Variants in SDK1 observed in about 807,000 individuals in gnomAD.
SDK1 encodes the protein sidekick cell adhesion molecule 1, also known as protein sidekick-1.
SDK1 carries 157 observed loss-of-function variants against 245.5 expected under a neutral mutation model. The observed-to-expected ratio is 0.64, with a 90% CI of 0.56 to 0.73. The LOEUF (loss-of-function observed/expected upper bound fraction) is 0.73, where lower values mean the gene tolerates loss of function less well. SDK1 is among the 30% of genes least tolerant of loss of function. SDK1 has a pLI of 0.00. For synonymous variants in SDK1, 1,647 were observed against 1,278.5 expected (o/e 1.29, Z -6.15); for missense variants, 3,583 against 3,002.3 (o/e 1.19, Z -4.52).
intron 1 of SDK1, among the ~76,000 whole-genome samples, chr7:3,612,816 C>G (rs192756744): frequency 2.6e-5 from 4 of 152,154 alleles, no homozygotes; most frequent in African/African-American, 9.7e-5. Context: ...CGGCTGGACT[C>G]GCACCTGATT....
intron 4 of SDK1, among the ~76,000 whole-genome samples, chr7:3,756,202 A>G (rs551421721): frequency 1.3e-5 from 2 of 149,486 alleles, no homozygotes; most frequent in East Asian, 2.0e-4. Context: ...TTCACATGGC[A>G]TAGCACCTGT....
At chr7:4,217,581 CGCCACCCGGAGCACCAG>C (rs1784905434) in intron 38 of SDK1, among the ~76,000 whole-genome samples, 1 of 108,744 alleles carries the variant, frequency 9.2e-6, no homozygotes, top group South Asian at 3.2e-4. Context: ...CGGAGCACCA[CGCCACCCGGAGCACCAG>C]GCCACCCGGA....
chr7:4,012,192 C>A lies in SDK1; in HGVS notation c.2377C>A (p.Pro793Thr). 1 of 1,569,516 alleles carries A rather than the reference C, an allele frequency of 6.4e-7. No homozygotes were observed. Among genetic ancestry groups the A allele is most frequent in the Non-Finnish European group, 8.6e-7 (1 of 1,158,856 alleles). The change falls in exon 16 of 45, where the codon CCA becomes ACA. Residue 793 changes from proline to threonine, a missense_variant. Transcript: ENST00000404826. ...QSIMVQWQPPPETEHNGVLRG... is the reference protein window; with the variant it reads ...QSIMVQWQPPTETEHNGVLRG... ...CATTATGGTCCAGTGGCAGCCACCC[C>A]CAGAAACAGAGCACAACGGGGTGTT...
intron 1 of SDK1, among the ~76,000 whole-genome samples, chr7:3,524,371 C>T (rs1273731014): frequency 1.3e-5 from 2 of 151,896 alleles, no homozygotes; most frequent in South Asian, 2.1e-4. Flanking sequence ...AGGATGGAAG[C>T]GGGGAGATCA....
At chr7:3,481,516 G>A (rs1257873065) in intron 1 of SDK1, among the ~76,000 whole-genome samples, 2 of 152,222 alleles carry the variant, frequency 1.3e-5, no homozygotes, top group African/African-American at 4.8e-5. Flanking sequence ...CTGCCTGGTG[G>A]CTACCAACTG....
intron 19 of SDK1, among the ~76,000 whole-genome samples, chr7:4,058,270 A>G (rs1434748615): frequency 6.6e-6 from 1 of 152,098 alleles, no homozygotes; most frequent in Admixed American, 6.6e-5. Context: ...TAAAAATACA[A>G]TAGTAAGCTT....
chr7:4,073,618 C>T (rs1218394960), intron 20 of SDK1, among the ~76,000 whole-genome samples: 1 of 152,172 alleles, frequency 6.6e-6, no homozygotes, highest in East Asian at 1.9e-4. Context: ...GTCTGCTCTT[C>T]CCATAGGTTC....
In SDK1 at chr7:4,201,951, G is replaced by C. The variant is rs549019929; in HGVS notation, c.5099-3928G>C. Reference sequence around the variant, plus strand: ...AGTAGGATGACCACCTGTCTGGTGTGAACCTAACATGCACCCCGTGTTCCC... The same window carrying C: ...AGTAGGATGACCACCTGTCTGGTGTCAACCTAACATGCACCCCGTGTTCCC... On this transcript the variant is annotated intron_variant, in intron 35 of 44. Transcript: ENST00000404826. Among the ~76,000 whole-genome samples the C allele has an allele frequency of 8.5e-5, 13 of 152,304 alleles. No individual in the cohort carries two copies. The South Asian group carries it at 2.7e-3, about 32-fold the overall frequency.
chr7:3,774,279 G>A (rs918832392), intron 4 of SDK1, among the ~76,000 whole-genome samples: 6 of 152,048 alleles, frequency 3.9e-5, no homozygotes, highest in Non-Finnish European at 7.3e-5. Flanking sequence ...TAGGTGGTTG[G>A]TAGAGGCCTA....
intron 5 of SDK1, among the ~76,000 whole-genome samples, chr7:3,860,411 A>G (rs1425886641): frequency 6.6e-6 from 1 of 152,212 alleles, no homozygotes; most frequent in South Asian, 2.1e-4. Context: ...AATGCATGAA[A>G]AGATGGTCAA....
intron 35 of SDK1, among the ~76,000 whole-genome samples, chr7:4,202,415 G>A (rs926014546): frequency 2.6e-5 from 4 of 152,200 alleles, no homozygotes; most frequent in Non-Finnish European, 5.9e-5. Context: ...TCTGGTTGGG[G>A]GAGCAGCCCC....
At chr7:3,400,229 G>C (rs955918569) in intron 1 of SDK1, among the ~76,000 whole-genome samples, 13 of 152,138 alleles carry the variant, frequency 8.5e-5, no homozygotes, top group African/African-American at 3.1e-4. Flanking sequence ...AAGTTAAAAT[G>C]CCATGAACCA....
chr7:4,110,919 C>T, intron 23 of SDK1, 147 bp downstream of exon 23: 2 of 638,384 alleles, frequency 3.1e-6, no homozygotes, highest in Non-Finnish European at 5.7e-6. Context: ...CCTTAAGGAG[C>T]AGGCGGGATG....
intron 19 of SDK1, 50 bp downstream of exon 19, chr7:4,051,880 A>T: frequency 6.6e-7 from 1 of 1,513,480 alleles, no homozygotes; most frequent in Non-Finnish European, 9.0e-7. Context: ...AAAGAGGTGT[A>T]TACCGCTGCA....
At chr7:3,494,916 A>C (rs773152869) in intron 1 of SDK1, among the ~76,000 whole-genome samples, 17 of 152,182 alleles carry the variant, frequency 1.1e-4, no homozygotes, top group Admixed American at 2.0e-4. Context: ...CCTTCTCTCT[A>C]TCTGCAACCA....
At chr7:3,967,628 G>A (rs1782180589) in intron 10 of SDK1, among the ~76,000 whole-genome samples, 194 bp downstream of exon 10, 2 of 152,186 alleles carry the variant, frequency 1.3e-5, no homozygotes, top group Admixed American at 6.5e-5. Flanking sequence ...ATTTCTCCAT[G>A]GTCTCCAGTG....
intron 1 of SDK1, among the ~76,000 whole-genome samples, chr7:3,617,686 G>C (rs373966840): frequency 6.6e-6 from 1 of 152,174 alleles, no homozygotes. Context: ...TGAGACAGAG[G>C]ATGGGGGCCC....
At chr7:3,709,646 T>G (rs1784984974) in intron 4 of SDK1, among the ~76,000 whole-genome samples, 1 of 152,256 alleles carries the variant, frequency 6.6e-6, no homozygotes, top group Non-Finnish European at 1.5e-5. Flanking sequence ...GACTATTTTT[T>G]CTTTCCAAGG....
At chr7:3,632,550 C>T (rs1782328350) in intron 2 of SDK1, among the ~76,000 whole-genome samples, 1 of 140,468 alleles carries the variant, frequency 7.1e-6, no homozygotes, top group Non-Finnish European at 1.7e-5. Flanking sequence ...CTACAGATTC[C>T]ATAGACCCTC....
Sources: allele counts gnomAD v4.1 joint callset (sites outside exome capture counted in the v4.1 genomes callset), GRCh38; gene constraint gnomAD v4.1.1; transcripts MANE v1.5; gene names NCBI Gene and HGNC (gene_info 2026-07-23, HGNC 2026-07-21).